Variants in RHOT1 observed in about 807,000 individuals in gnomAD.
The protein encoded by RHOT1 is mitochondrial Rho GTPase 1.
Under a neutral mutation model 95.3 loss-of-function variants are expected in RHOT1, and 27 were observed. The observed-to-expected ratio is 0.28, with a 90% CI of 0.21 to 0.39. The LOEUF is 0.39. RHOT1 is among the 10% of genes least tolerant of loss of function. The probability of loss-of-function intolerance (pLI) is 1.00; values close to 1 mark genes in which losing one functional copy is unlikely to be tolerated. For synonymous variants in RHOT1, 227 were observed against 263.5 expected (o/e 0.86, Z 1.34); for missense variants, 578 against 786.7 (o/e 0.73, Z 3.17).
chr17:32,168,501 T>C (rs2034297719), intron 1 of RHOT1, among the ~76,000 whole-genome samples: 1 of 151,964 alleles, frequency 6.6e-6, no homozygotes, highest in Admixed American at 6.6e-5. Context: ...CTCAAACTCC[T>C]GGCCTCAAGT....
At chr17:32,171,207 G>T in intron 2 of RHOT1, 106 bp downstream of exon 2, 1 of 720,426 alleles carries the variant, frequency 1.4e-6, no homozygotes, top group Non-Finnish European at 2.3e-6. Context: ...CTTCCTTTTG[G>T]ACAGTTGAGA....
chr17:32,183,852 A>G (rs1473558900), intron 8 of RHOT1, among the ~76,000 whole-genome samples: 1 of 151,942 alleles, frequency 6.6e-6, no homozygotes, highest in Non-Finnish European at 1.5e-5. Context: ...TGCCTGGCTA[A>G]TTTTTGTATT....
chr17:32,194,120 G>A lies in RHOT1; in HGVS notation c.869+13G>A, dbSNP rs962512167. ...ATTTGTTCCCCCTGTATGTACCTTT[G>A]TTTTTTTTGTTGTTGTTGTTGTTTA... is the stretch of plus-strand genomic sequence containing the variant. On this transcript the variant is annotated intron_variant, in intron 11 of 19. Coordinates refer to ENST00000545287, the MANE Select transcript of RHOT1 (RefSeq NM_001033566.3). 1.2e-6 allele frequency: 2 copies of A among 1,605,394 alleles called. No individual in the cohort carries two copies. The highest frequency in any genetic ancestry group is 2.7e-5 in the African/African-American group (2 of 74,268).
At chr17:32,145,814 A>C (rs1404165555) in intron 1 of RHOT1, among the ~76,000 whole-genome samples, 6 of 152,112 alleles carry the variant, frequency 3.9e-5, no homozygotes, top group Non-Finnish European at 5.9e-5. Context: ...CAGGAGTTCG[A>C]GACCAGCCTG....
At chr17:32,168,630 A>G (rs930193624) in intron 1 of RHOT1, among the ~76,000 whole-genome samples, 33 of 148,310 alleles carry the variant, frequency 2.2e-4, no homozygotes, top group African/African-American at 7.6e-4. Flanking sequence ...TATATATATA[A>G]ATATATTTTT....
At chr17:32,214,235 G>GTA (rs1201926678) in intron 19 of RHOT1, among the ~76,000 whole-genome samples, 7 of 152,144 alleles carry the variant, frequency 4.6e-5, no homozygotes, top group African/African-American at 1.7e-4. Context: ...AGGTGGCCAA[G>GTA]TATAAGAAAC....
intron 11 of RHOT1, 133 bp downstream of exon 11, chr17:32,194,240 T>C: frequency 1.2e-6 from 1 of 840,390 alleles, no homozygotes; most frequent in Non-Finnish European, 1.9e-6. Flanking sequence ...CAAATTGCTG[T>C]GATTAAAGGC....
intron 6 of RHOT1, among the ~76,000 whole-genome samples, chr17:32,176,790 C>T (rs887264013): frequency 1.3e-5 from 2 of 152,070 alleles, no homozygotes; most frequent in East Asian, 3.9e-4. Context: ...AGTCTGGTCT[C>T]GAACTCATGA....
chr17:32,175,423 G>A, intron 4 of RHOT1, 61 bp downstream of exon 4: 1 of 1,415,328 alleles, frequency 7.1e-7, no homozygotes, highest in Non-Finnish European at 1.0e-6. Context: ...GATTTTATGA[G>A]CCTGCCTTTT....
rs751575158 is a variant in RHOT1 at position 32,192,229 on chromosome 17, C to T, written c.569C>T (p.Thr190Ile). 4 of 1,560,492 alleles carry T rather than the reference C, an allele frequency of 2.6e-6. No individual in the cohort carries two copies. The highest frequency in any genetic ancestry group is 3.5e-6 in the Non-Finnish European group (4 of 1,148,138). Residue 190 changes from threonine to isoleucine, a missense_variant, in exon 9 of 20, where the codon ACT becomes ATT. By Grantham distance (89) the Thr-to-Ile change is moderately conservative (BLOSUM62 -1). Transcript: ENST00000545287. ...AAACCAGCTTGTATAAAAGCCCTTACTCGTATATTTAAAATATCTGATCAA... is the reference window on the plus strand; with the variant it reads ...AAACCAGCTTGTATAAAAGCCCTTATTCGTATATTTAAAATATCTGATCAA... ...EMKPACIKALTRIFKISDQDN... is the reference protein window; with the variant it reads ...EMKPACIKALIRIFKISDQDN...
intron 1 of RHOT1, among the ~76,000 whole-genome samples, chr17:32,157,215 G>T (rs2033053108): frequency 6.6e-6 from 1 of 152,180 alleles, no homozygotes; most frequent in Non-Finnish European, 1.5e-5. Context: ...TTCCTCCAAA[G>T]TAATCATCCG....
At chr17:32,187,465 A>G (rs1456505492) in intron 8 of RHOT1, among the ~76,000 whole-genome samples, 2 of 152,124 alleles carry the variant, frequency 1.3e-5, no homozygotes, top group African/African-American at 4.8e-5. Context: ...ATTGTTTTTA[A>G]GAATAAAAAG....
intron 13 of RHOT1, among the ~76,000 whole-genome samples, chr17:32,200,030 C>T (rs1045465112): frequency 2.0e-5 from 3 of 150,892 alleles, no homozygotes; most frequent in Non-Finnish European, 4.4e-5. Flanking sequence ...GCAACTCTGC[C>T]TCCTGGGTTC....
chr17:32,203,344 T>C (rs567308947), intron 15 of RHOT1, among the ~76,000 whole-genome samples: 1 of 144,128 alleles, frequency 6.9e-6, no homozygotes, highest in Admixed American at 7.2e-5. Flanking sequence ...GACATGATCA[T>C]GGCTCACTGC....
rs1598356378 is a variant in RHOT1 at position 32,176,277 on chromosome 17, G to A, written c.329+64G>A. On this transcript the variant is annotated intron_variant, in intron 6 of 19. Coordinates refer to ENST00000545287, the MANE Select transcript of RHOT1 (RefSeq NM_001033566.3). ...TTTAAAGCTTGCAGAAAAGGTACAA[G>A]AAGTAGTACATTGAACTTCCCTAAA... 9 of 1,288,954 alleles carry A rather than the reference G, an allele frequency of 7.0e-6. No homozygotes were observed. The East Asian group carries it at 2.1e-4, about 30-fold the overall frequency. 79.8% of individuals were successfully genotyped at this position (1,288,954 alleles called of 1,614,324 possible). A position where few individuals can be genotyped will look rare whatever the true frequency, so the allele number is the denominator to read the frequency against.
chr17:32,206,245 A>G (rs1319559308), intron 16 of RHOT1, among the ~76,000 whole-genome samples: 1 of 91,878 alleles, frequency 1.1e-5, no homozygotes, highest in Non-Finnish European at 2.0e-5. Flanking sequence ...CACTTTTGTC[A>G]CCCAGGCTGG....
chr17:32,160,970 A>G (rs920210488), intron 1 of RHOT1, among the ~76,000 whole-genome samples: 1 of 152,152 alleles, frequency 6.6e-6, no homozygotes, highest in Non-Finnish European at 1.5e-5. Context: ...TGACTCCCCA[A>G]CGATCCCGTA....
intron 1 of RHOT1, among the ~76,000 whole-genome samples, chr17:32,150,221 T>C (rs1209483692): frequency 6.6e-6 from 1 of 152,200 alleles, no homozygotes; most frequent in Non-Finnish European, 1.5e-5. Flanking sequence ...TCTGATCCTT[T>C]ATTAAAGTAG....
intron 18 of RHOT1, chr17:32,209,256 A>G: frequency 1.8e-6 from 1 of 567,492 alleles, no homozygotes; most frequent in Non-Finnish European, 2.9e-6. Context: ...TTCTATTTGT[A>G]TTCGAAGACA....
Sources: gnomAD v4.1 joint callset for allele counts (sites outside exome capture counted in the v4.1 genomes callset) on GRCh38, gnomAD v4.1.1 for gene constraint, MANE v1.5 for transcripts, NCBI Gene and HGNC (gene_info 2026-07-23, HGNC 2026-07-21) for gene names.